Variants in PXK observed in about 807,000 individuals in gnomAD.
PXK encodes the protein PX domain containing serine/threonine kinase like, also known as PX domain-containing protein kinase-like protein.
PXK carries 35 observed loss-of-function variants against 84.7 expected under a neutral mutation model. That is an observed-to-expected ratio of 0.41 (90% confidence interval 0.32 to 0.55). The LOEUF is 0.55. Ranked by LOEUF, PXK falls within the 20% of genes least tolerant of loss-of-function variation. The pLI, the probability that PXK is intolerant of heterozygous loss-of-function variation, is 0.21. For missense variants in PXK, 634 were observed against 699.7 expected (o/e 0.91, Z 1.06); for synonymous variants, 253 against 260.8 (o/e 0.97, Z 0.29).
intron 1 of PXK, among the ~76,000 whole-genome samples, chr3:58,346,915 T>C (rs1042397264): frequency 6.6e-6 from 1 of 152,166 alleles, no homozygotes; most frequent in African/African-American, 2.4e-5. Context: ...CTCGGCTCAC[T>C]GCAACCTCCG....
intron 13 of PXK, among the ~76,000 whole-genome samples, chr3:58,406,562 C>A (rs1020564778): frequency 6.6e-6 from 1 of 152,154 alleles, no homozygotes; most frequent in Non-Finnish European, 1.5e-5. Context: ...TGTGCCTGAC[C>A]TAATTTTTAA....
rs2059926849 is a variant in PXK, at chr3:58,409,788, C to A, written c.1395+170C>A. ...GTTTTTTTGGGGAAAAAAAAAGAGT[C>A]ATATGATAATCAGCCGAGAAATAGC... On this transcript the variant is annotated intron_variant, in intron 15 of 17. Transcript: ENST00000356151. This position sits in a 1 kb window ranked among gnomAD's most constrained non-coding sequence, Gnocchi z 4.2. 6.6e-6 allele frequency among the ~76,000 whole-genome samples: 1 copy of A among 151,370 alleles called. No individual in the cohort carries two copies. Among genetic ancestry groups the A allele is most frequent in the South Asian group, 2.1e-4 (1 of 4,798 alleles).
intron 3 of PXK, among the ~76,000 whole-genome samples, chr3:58,371,539 C>T (rs2098371307): frequency 1.3e-5 from 2 of 152,070 alleles, no homozygotes; most frequent in Non-Finnish European, 2.9e-5. Flanking sequence ...TCAGCCAGGC[C>T]GAGTAAGAAT....
chr3:58,403,931 T>A (rs143277925), intron 13 of PXK, 21 bp downstream of exon 13: 2 of 1,467,572 alleles, frequency 1.4e-6, no homozygotes. Context: ...TTATATCGTT[T>A]TTTGGTTTGT....
chr3:58,336,051 ATATATATATATATATATATATTT>A (rs1443450450), intron 1 of PXK, among the ~76,000 whole-genome samples: 9 of 52,062 alleles, frequency 1.7e-4, no homozygotes, highest in Admixed American at 9.8e-4. Flanking sequence ...ATATATATAT[ATATATATATATATATATATATTT>A]TTTTTTTTTT....
chr3:58,396,933 C>G, intron 9 of PXK, 106 bp from the exon 10 acceptor site: 2 of 1,191,398 alleles, frequency 1.7e-6, no homozygotes, highest in Non-Finnish European at 2.3e-6. Flanking sequence ...TTCTCAGTGA[C>G]CTGTTTGGTT....
chr3:58,424,788 C>G lies in PXK; in HGVS notation c.1565C>G (p.Pro522Arg). Residue 522 changes from proline to arginine, a missense_variant, in exon 18 of 18, where the codon CCA becomes CGA. By Grantham distance (103) the Pro-to-Arg change is moderately radical. Transcript: ENST00000356151. ...SALPPPPPPP[P>R]PPAAPLPPAS... ...TTACCTCCACCTCCTCCACCTCCACCACCACCAGCAGCTCCCTTGCCTCCT... is the reference window on the plus strand; with the variant it reads ...TTACCTCCACCTCCTCCACCTCCACGACCACCAGCAGCTCCCTTGCCTCCT... 1 of 1,614,158 alleles carries G rather than the reference C, an allele frequency of 6.2e-7. No individual in the cohort carries two copies. The highest frequency in any genetic ancestry group is 1.1e-5 in the South Asian group (1 of 91,078).
At chr3:58,359,183 T>C (rs1168673971) in intron 1 of PXK, among the ~76,000 whole-genome samples, 1 of 152,202 alleles carries the variant, frequency 6.6e-6, no homozygotes, top group Non-Finnish European at 1.5e-5. Context: ...CAGCAAATGC[T>C]TACTTAGTAG....
chr3:58,394,969 C>A lies in PXK; in HGVS notation c.616-29C>A, dbSNP rs771684850. On this transcript the variant is annotated intron_variant, in intron 7 of 17. Transcript: ENST00000356151. ...AAAGGACCTAGATCCTGACGCAAAT[C>A]AATGTGAATTTCTTTTTTGTTTTGA... The A allele has an allele frequency of 3.3e-6, 5 of 1,534,900 alleles. No individual in the cohort carries two copies. The African/African-American group carries it at 6.8e-5, about 21-fold the overall frequency.
In PXK at chr3:58,385,552, G is replaced by A. The variant is rs1225385185; in HGVS notation, c.388+2852G>A. On this transcript the variant is annotated intron_variant, in intron 4 of 17. Coordinates refer to ENST00000356151, the MANE Select transcript of PXK (RefSeq NM_017771.5). The surrounding 1 kb of genome is among the most constrained non-coding windows in gnomAD (Gnocchi z 5.1). ...CTCACTCTGTTGCCCAGGCTGGAGCGCAGTGGCACTATCCCAGCTCTGTGC... is the reference window on the plus strand; with the variant it reads ...CTCACTCTGTTGCCCAGGCTGGAGCACAGTGGCACTATCCCAGCTCTGTGC... Among the ~76,000 whole-genome samples the A allele has an allele frequency of 1.3e-4, 20 of 152,146 alleles. No homozygotes were observed. The highest frequency in any genetic ancestry group is 1.6e-4 in the Non-Finnish European group (11 of 68,030).
At chr3:58,372,417 G>A (rs961658793) in intron 3 of PXK, among the ~76,000 whole-genome samples, 4 of 151,916 alleles carry the variant, frequency 2.6e-5, no homozygotes. Flanking sequence ...CCGCCTCCCG[G>A]GTTCACCTCA....
chr3:58,360,856 A>G (rs2098171846), intron 1 of PXK, among the ~76,000 whole-genome samples: 1 of 151,836 alleles, frequency 6.6e-6, no homozygotes, highest in South Asian at 2.1e-4. Context: ...AGTTAATAAA[A>G]CAGTTCTGAA....
At position 58,421,748 on chromosome 3, in the gene PXK, TGGA is replaced by T. The variant is rs1300200427; in HGVS notation, c.1529-3002_1529-3000del. On this transcript the variant is annotated intron_variant, in intron 17 of 17. Coordinates refer to ENST00000356151, the MANE Select transcript of PXK (RefSeq NM_017771.5). This position sits in a 1 kb window ranked among gnomAD's most constrained non-coding sequence, Gnocchi z 5.5. ...ACTGCCAGGTTCCCGTGTGGTTTGG[TGGA>T]GAAGATTTTGGGGTGGGTAGAGTAA... 6.1e-6 allele frequency: 6 copies of T among 985,232 alleles called. No individual in the cohort carries two copies. Among genetic ancestry groups the T allele is most frequent in the African/African-American group, 1.7e-5 (1 of 57,222 alleles). The allele number at this position is 985,232 out of a possible 1,614,324, so 61.0% of individuals were successfully genotyped here.
At position 58,370,617 on chromosome 3, in the gene PXK, C is replaced by T. The variant is rs2098352952; in HGVS notation, c.201+1139C>T. On this transcript the variant is annotated intron_variant, in intron 3 of 17. Transcript: ENST00000356151. The surrounding 1 kb of genome is among the most constrained non-coding windows in gnomAD (Gnocchi z 4.2). The stretch of plus-strand genomic sequence containing the variant: ...ATTCTGAGGGACCTCTGATCTTGCC[C>T]ATAAAGGTCAGGAGGACTGTGCACT... Among the ~76,000 whole-genome samples the T allele has an allele frequency of 6.6e-6, 1 of 152,150 alleles. No individual in the cohort carries two copies. The highest frequency in any genetic ancestry group is 6.5e-5 in the Admixed American group (1 of 15,278).
chr3:58,412,920 A>C lies in PXK; in HGVS notation c.1485A>C (p.Ser495=). ...SNNSAGSGAS[S]PLTSPSSPTP... ...TCTTAGCAGGATCTGGGGCCAGCTC[A>C]CCTCTCACGTCCCCGTCATCGCCAA... is the stretch of plus-strand genomic sequence containing the variant. Residue 495 remains serine, a synonymous_variant, in exon 17 of 18, where the codon TCA becomes TCC. Coordinates refer to ENST00000356151, the MANE Select transcript of PXK (RefSeq NM_017771.5). This position sits in a 1 kb window ranked among gnomAD's most constrained non-coding sequence, Gnocchi z 6.2. The C allele has an allele frequency of 6.2e-7, 1 of 1,614,020 alleles. No individual in the cohort carries two copies. The highest frequency in any genetic ancestry group is 8.5e-7 in the Non-Finnish European group (1 of 1,180,004).
chr3:58,392,879 C>G (rs2098645336), intron 7 of PXK, among the ~76,000 whole-genome samples: 1 of 151,942 alleles, frequency 6.6e-6, no homozygotes, highest in Admixed American at 6.6e-5. Flanking sequence ...CCGGGCAGAT[C>G]TTGAACTCCT....
chr3:58,378,512 T>TTGTGTGTGTGTGTGTG (rs71091375), intron 3 of PXK, among the ~76,000 whole-genome samples: 23 of 28,934 alleles, frequency 7.9e-4, no homozygotes, highest in Non-Finnish European at 1.3e-3. Context: ...TTTTTTTTTT[T>TTGTGTGTGTGTGTGTG]TGTGTGTGTG....
At position 58,421,864 on chromosome 3, in the gene PXK, G is replaced by A. The variant is rs2061925791; in HGVS notation, c.1529-2888G>A. ...GGTCGTAACTGAAGGTAAGCTGTTT[G>A]CAGCATCCCCCTTCCTGGGTGCAAA... On this transcript the variant is annotated intron_variant, in intron 17 of 17. Transcript: ENST00000356151. This position sits in a 1 kb window ranked among gnomAD's most constrained non-coding sequence, Gnocchi z 5.5. 13 of 985,300 alleles carry A rather than the reference G, an allele frequency of 1.3e-5. No homozygotes were observed. The highest frequency in any genetic ancestry group is 1.6e-5 in the Non-Finnish European group (13 of 829,936). 61.0% of individuals were successfully genotyped at this position (985,300 alleles called of 1,614,324 possible). A position where few individuals can be genotyped will look rare whatever the true frequency, so the allele number is the denominator to read the frequency against.
At chr3:58,371,640 A>G (rs2098372741) in intron 3 of PXK, among the ~76,000 whole-genome samples, 1 of 152,208 alleles carries the variant, frequency 6.6e-6, no homozygotes, top group African/African-American at 2.4e-5. Context: ...TCATTTACTC[A>G]TACTTTGGGG....
Sources: gnomAD v4.1 joint callset for allele counts (sites outside exome capture counted in the v4.1 genomes callset) on GRCh38, gnomAD v4.1.1 for gene constraint, Gnocchi (gnomAD v3.1) non-coding constraint, MANE v1.5 for transcripts, NCBI Gene and HGNC (gene_info 2026-07-23, HGNC 2026-07-21) for gene names.